The following PTCHD4 variants were observed in gnomAD, a reference collection of about 807,000 sequenced individuals.
The protein encoded by PTCHD4 is patched domain-containing protein 4.
In PTCHD4, 33 loss-of-function variants were observed where a neutral mutation model predicts 58.1. The observed-to-expected ratio is 0.57, with a 90% CI of 0.43 to 0.76. The LOEUF (loss-of-function observed/expected upper bound fraction) is 0.76, where lower values mean the gene tolerates loss of function less well. PTCHD4 is among the 30% of genes least tolerant of loss of function. The pLI, the probability that PTCHD4 is intolerant of heterozygous loss-of-function variation, is 0.00. For missense variants in PTCHD4, 1,058 were observed against 1,027.1 expected (o/e 1.03, Z -0.41); for synonymous variants, 478 against 409.6 (o/e 1.17, Z -2.02).
At chr6:48,051,017 C>T (rs1764213878) in intron 3 of PTCHD4, among the ~76,000 whole-genome samples, 1 of 151,954 alleles carries the variant, frequency 6.6e-6, no homozygotes, top group South Asian at 2.1e-4. Flanking sequence ...TTTCTTAACA[C>T]AGAGACTTGG....
intron 4 of PTCHD4, among the ~76,000 whole-genome samples, chr6:47,963,292 A>T (rs1227074239): frequency 6.6e-6 from 1 of 152,166 alleles, no homozygotes; most frequent in Non-Finnish European, 1.5e-5. Flanking sequence ...ATATCACCTC[A>T]CATCTGTTAG....
At chr6:48,028,771 C>T (rs2753199) in intron 3 of PTCHD4, among the ~76,000 whole-genome samples, 122,345 of 151,920 alleles carry the variant, frequency 0.81, 49,272 homozygotes, top group Middle Eastern at 0.85. Context: ...TCTGACAACT[C>T]ACCTAATCAA....
intron 4 of PTCHD4, among the ~76,000 whole-genome samples, chr6:47,929,457 T>C (rs1168101876): frequency 6.6e-6 from 1 of 152,208 alleles, no homozygotes; most frequent in Admixed American, 6.5e-5. Flanking sequence ...GCACTGCAAT[T>C]CTTCCCTCCT....
At chr6:47,915,888 G>A (rs79053366) in intron 4 of PTCHD4, among the ~76,000 whole-genome samples, 2,058 of 152,148 alleles carry the variant, frequency 0.014, 18 homozygotes, top group Middle Eastern at 0.065. Flanking sequence ...GAGGAATTTC[G>A]GGGGAGTGAG....
chr6:48,029,585 T>C (rs1435780936), intron 3 of PTCHD4, among the ~76,000 whole-genome samples: 2 of 152,132 alleles, frequency 1.3e-5, no homozygotes, highest in Non-Finnish European at 2.9e-5. Flanking sequence ...TTTCTATAAT[T>C]TGTAGCCATT....
In PTCHD4 at chr6:48,068,242, C is replaced by A; in HGVS notation, c.405G>T (p.Val135=). 6.4e-7 allele frequency: 1 copy of A among 1,570,840 alleles called. No individual in the cohort carries two copies. The highest frequency in any genetic ancestry group is 2.3e-5 in the East Asian group (1 of 44,194). ...CCTTGTGGTTCACCTTCATTTCCAG[C>A]ACGGCTCGGTGGGTCTGCAGGATCC... ...AEGILQTHRA[V]LEMKDGRNSF... is the part of the protein sequence containing the mutation. The change falls in exon 3 of 5, where the codon GTG becomes GTT. Residue 135 remains valine (V), a synonymous_variant. Coordinates refer to ENST00000339488, the MANE Select transcript of PTCHD4 (RefSeq NM_001384253.1). This position sits in a 1 kb window ranked among gnomAD's most constrained non-coding sequence, Gnocchi z 4.2.
In PTCHD4 at chr6:47,874,366, A is replaced by G. The variant is rs369869906; in HGVS notation, c.*3937T>C. 8.6e-5 allele frequency among the ~76,000 whole-genome samples: 13 copies of G among 151,886 alleles called. 1 individual carries two copies. In the East Asian group the frequency reaches 1.8e-3, roughly 20 times the overall value. ...AATAAAAGTTGCAATAACCCTGAAA[A>G]TAGTGTCTTTAATAACCTATGTACT... is the stretch of plus-strand genomic sequence containing the variant. On this transcript the variant is annotated 3_prime_UTR_variant, in exon 5 of 5. Coordinates refer to ENST00000339488, the MANE Select transcript of PTCHD4 (RefSeq NM_001384253.1).
chr6:47,899,583 A>G (rs1280084688), intron 4 of PTCHD4: 1 of 983,306 alleles, frequency 1.0e-6, no homozygotes, highest in South Asian at 4.7e-5. Context: ...AAGTAGAAAA[A>G]AAGAAATGGA....
intron 3 of PTCHD4, among the ~76,000 whole-genome samples, chr6:48,044,681 A>G (rs1229593005): frequency 1.3e-5 from 2 of 151,896 alleles, no homozygotes; most frequent in African/African-American, 2.4e-5. Flanking sequence ...GGCCTAGAGC[A>G]TGAAAAACAG....
chr6:48,091,190 A>C (rs926086165), intron 1 of PTCHD4, among the ~76,000 whole-genome samples: 2 of 152,078 alleles, frequency 1.3e-5, no homozygotes, highest in Non-Finnish European at 2.9e-5. Flanking sequence ...TAACCTTTTA[A>C]ATTTTTTATG....
rs1763841344 is a variant in PTCHD4 at position 47,876,088 on chromosome 6, C to T, written c.*2215G>A. On this transcript the variant is annotated 3_prime_UTR_variant, in exon 5 of 5. Transcript: ENST00000339488. ...TGCACCCCCACTACAAAACTCCCACCCAAACAAAAAATCAAAACCCAACCA... is the reference window on the plus strand; with the variant it reads ...TGCACCCCCACTACAAAACTCCCACTCAAACAAAAAATCAAAACCCAACCA... Among the ~76,000 whole-genome samples, 1 of 151,442 alleles carries T rather than the reference C, an allele frequency of 6.6e-6. No homozygotes were observed. The highest frequency in any genetic ancestry group is 2.4e-5 in the African/African-American group (1 of 41,250).
intron 1 of PTCHD4, among the ~76,000 whole-genome samples, chr6:48,091,222 A>T (rs1467351695): frequency 6.6e-6 from 1 of 152,032 alleles, no homozygotes; most frequent in Non-Finnish European, 1.5e-5. Context: ...TCTTAACCTA[A>T]AACAAAAAGC....
chr6:47,911,717 A>G (rs148765115), intron 4 of PTCHD4, among the ~76,000 whole-genome samples: 1 of 152,210 alleles, frequency 6.6e-6, no homozygotes, highest in African/African-American at 2.4e-5. Context: ...GATGACCGGT[A>G]GAGTAGACAT....
In PTCHD4 at chr6:47,864,994, T is replaced by C. The variant is rs1282399427; in HGVS notation, c.*13309A>G. ...AGATGACTGCAGAGCAGATCTCTGATTGTGGGAGGAACAGTGATCTTGTTT... is the reference window on the plus strand; with the variant it reads ...AGATGACTGCAGAGCAGATCTCTGACTGTGGGAGGAACAGTGATCTTGTTT... On this transcript the variant is annotated 3_prime_UTR_variant, in exon 5 of 5. Transcript: ENST00000339488. Among the ~76,000 whole-genome samples, 1 of 151,896 alleles carries C rather than the reference T, an allele frequency of 6.6e-6. No homozygotes were observed. The highest frequency in any genetic ancestry group is 1.5e-5 in the Non-Finnish European group (1 of 67,896).
chr6:48,017,212 T>G (rs577911547), intron 3 of PTCHD4, among the ~76,000 whole-genome samples: 1 of 152,268 alleles, frequency 6.6e-6, no homozygotes, highest in East Asian at 1.9e-4. Flanking sequence ...ATGAAAATAT[T>G]GGTTATCTTT....
chr6:48,047,223 C>T (rs1383753072), intron 3 of PTCHD4, among the ~76,000 whole-genome samples: 1 of 151,632 alleles, frequency 6.6e-6, no homozygotes, highest in Non-Finnish European at 1.5e-5. Context: ...CTGTTACAAA[C>T]CACTCCTGGC....
At chr6:47,897,940 C>CTTTTTTTTTTTT (rs67063892) in intron 4 of PTCHD4, among the ~76,000 whole-genome samples, 4 of 76,356 alleles carry the variant, frequency 5.2e-5, no homozygotes, top group Non-Finnish European at 9.6e-5. Context: ...TTCTTTCTTT[C>CTTTTTTTTTTTT]TTTTTTTTTT....
chr6:47,958,575 G>A (rs924144000), intron 4 of PTCHD4, among the ~76,000 whole-genome samples: 7 of 152,270 alleles, frequency 4.6e-5, no homozygotes, highest in South Asian at 2.1e-4. Context: ...GAGTTGAGAC[G>A]GAGCTGAGGG....
chr6:48,109,500 GT>G (rs1335604658), intron 1 of PTCHD4, among the ~76,000 whole-genome samples: 1 of 151,978 alleles, frequency 6.6e-6, no homozygotes, highest in Non-Finnish European at 1.5e-5. Context: ...TTGACAATGA[GT>G]TTTTTGTATA....
Sources: allele counts gnomAD v4.1 joint callset (sites outside exome capture counted in the v4.1 genomes callset), GRCh38; gene constraint gnomAD v4.1.1; non-coding constraint Gnocchi (gnomAD v3.1); transcripts MANE v1.5; gene names NCBI Gene and HGNC (gene_info 2026-07-23, HGNC 2026-07-21).